Variants in ANAPC16 observed in about 807,000 individuals in gnomAD.
The protein encoded by ANAPC16 is anaphase promoting complex subunit 16, also known as anaphase-promoting complex subunit 16.
ANAPC16 carries 6 observed loss-of-function variants against 13.1 expected under a neutral mutation model. That is an observed-to-expected ratio of 0.46 (90% CI 0.25 to 0.90). The LOEUF (loss-of-function observed/expected upper bound fraction) is 0.90, where lower values mean the gene tolerates loss of function less well. Among genes scored for constraint, ANAPC16 ranks in the 40% least tolerant of loss-of-function variants. The pLI, the probability that ANAPC16 is intolerant of heterozygous loss-of-function variation, is 0.18. For missense variants in ANAPC16, 113 were observed against 131.1 expected (o/e 0.86, Z 0.67); for synonymous variants, 55 against 51.3 (o/e 1.07, Z -0.31).
At chr10:72,229,283 G>A (rs1322127630) in intron 2 of ANAPC16, among the ~76,000 whole-genome samples, 1 of 145,116 alleles carries the variant, frequency 6.9e-6, no homozygotes, top group Middle Eastern at 3.4e-3. Flanking sequence ...TGCCCTCTTG[G>A]TTATATATTC....
At chr10:72,218,472 A>G (rs1430980405) in intron 1 of ANAPC16, among the ~76,000 whole-genome samples, 3 of 152,044 alleles carry the variant, frequency 2.0e-5, no homozygotes, top group African/African-American at 2.4e-5. Flanking sequence ...CATTGCTTCA[A>G]AATGTCACAG....
Position 72,230,419 on chromosome 10 carries a change from A to G in ANAPC16, c.196A>G (p.Thr66Ala). Reference protein sequence around the residue: ...ESVFSYQVASTLKQVKHDQQV... With the variant: ...ESVFSYQVASALKQVKHDQQV... ...TGTTTTTAGCTATCAAGTGGCATCC[A>G]CGCTTAAACAGGTGAAACATGGTAA... is the stretch of plus-strand genomic sequence containing the variant. The change falls in exon 3 of 4, where the codon ACG (threonine) becomes GCG (alanine). Residue 66 changes from threonine to alanine, a missense_variant. Thr to Ala is a moderately conservative substitution (Grantham distance 58). Coordinates refer to ENST00000299381, the MANE Select transcript of ANAPC16 (RefSeq NM_173473.4). 6.2e-7 allele frequency: 1 copy of G among 1,614,140 alleles called. No homozygotes were observed. The highest frequency in any genetic ancestry group is 8.5e-7 in the Non-Finnish European group (1 of 1,179,990).
chr10:72,222,469 T>C (rs61853778), intron 1 of ANAPC16, among the ~76,000 whole-genome samples: 2 of 87,714 alleles, frequency 2.3e-5, no homozygotes, highest in African/African-American at 1.7e-4. Context: ...CTTGTCTCTA[T>C]TTAAAAAAAA....
chr10:72,221,977 C>T (rs942365386), intron 1 of ANAPC16, among the ~76,000 whole-genome samples: 3 of 151,024 alleles, frequency 2.0e-5, no homozygotes, highest in African/African-American at 7.3e-5. Context: ...ATCCACCCGC[C>T]TCGGCCTCCC....
At chr10:72,232,905 A>G in intron 3 of ANAPC16, 96 bp from the exon 4 acceptor site, 5 of 1,012,982 alleles carry the variant, frequency 4.9e-6, no homozygotes, top group Non-Finnish European at 6.0e-6. Flanking sequence ...CACCCGGCCT[A>G]GAAATTATTT....
intron 1 of ANAPC16, among the ~76,000 whole-genome samples, chr10:72,221,516 A>G (rs866328252): frequency 6.0e-4 from 88 of 147,012 alleles, no homozygotes; most frequent in African/African-American, 2.1e-3. Context: ...AGAAAGTTCT[A>G]TTAGCATGGC....
intron 1 of ANAPC16, among the ~76,000 whole-genome samples, chr10:72,222,231 A>G (rs1415460108): frequency 3.3e-5 from 5 of 149,422 alleles, no homozygotes; most frequent in African/African-American, 1.2e-4. Flanking sequence ...CATCCTGGCC[A>G]ACATGGCGAA....
At chr10:72,224,612 C>CAA (rs66526217) in intron 2 of ANAPC16, among the ~76,000 whole-genome samples, 6 of 103,526 alleles carry the variant, frequency 5.8e-5, no homozygotes, top group East Asian at 2.8e-4. Flanking sequence ...GACTCTGTCT[C>CAA]AAAAAAAAAA....
chr10:72,233,245 T>C lies in ANAPC16; in HGVS notation c.*129T>C. The C allele has an allele frequency of 1.5e-6, 1 of 650,544 alleles. No individual in the cohort carries two copies. The allele number at this position is 650,544 out of a possible 1,614,324, so 40.3% of individuals were successfully genotyped here. A position where few individuals can be genotyped will look rare whatever the true frequency, so the allele number is the denominator to read the frequency against. The stretch of plus-strand genomic sequence containing the variant: ...ATTGTTAATGCACATTTGTACTTGG[T>C]TTCTCTGTATCTATTCACAGGCAAC... On this transcript the variant is annotated 3_prime_UTR_variant, in exon 4 of 4. Coordinates refer to ENST00000299381, the MANE Select transcript of ANAPC16 (RefSeq NM_173473.4).
At chr10:72,222,963 G>C (rs1393772736) in intron 1 of ANAPC16, among the ~76,000 whole-genome samples, 1 of 152,010 alleles carries the variant, frequency 6.6e-6, no homozygotes, top group East Asian at 1.9e-4. Context: ...AACACTCACA[G>C]GTAGGTGCTC....
chr10:72,220,660 A>C (rs1170983767), intron 1 of ANAPC16: 1 of 151,658 alleles, frequency 6.6e-6, no homozygotes, highest in African/African-American at 2.4e-5. Context: ...CTGCCTCAAA[A>C]AACAAATATG....
intron 1 of ANAPC16, chr10:72,223,418 C>T (rs548786200): frequency 6.6e-6 from 1 of 152,350 alleles, no homozygotes; most frequent in Admixed American, 6.5e-5. Flanking sequence ...ACTAGTTCCC[C>T]TTCCCTGGGA....
chr10:72,219,607 C>T (rs948958090), intron 1 of ANAPC16, among the ~76,000 whole-genome samples: 2 of 151,968 alleles, frequency 1.3e-5, no homozygotes, highest in African/African-American at 4.8e-5. Flanking sequence ...TGTTCTGGCA[C>T]GTGCCTGTAG....
chr10:72,224,008 C>G lies in ANAPC16; in HGVS notation c.94C>G (p.Arg32Gly). The G allele has an allele frequency of 6.2e-7, 1 of 1,611,736 alleles. No individual in the cohort carries two copies. Among genetic ancestry groups the G allele is most frequent in the African/African-American group, 1.3e-5 (1 of 75,010 alleles). ...GFSVSDLAPP[R>G]KALFTYPKGA... ...CAGTGTCTCAGACCTTGCCCCACCA[C>G]GGAAAGCCCTTTTCACCTACCCCAA... The change falls in exon 2 of 4, where the codon CGG becomes GGG. Residue 32 changes from arginine to glycine, a missense_variant. Arg to Gly is a moderately radical substitution (Grantham distance 125, BLOSUM62 -2). Transcript: ENST00000299381.
At chr10:72,225,402 G>A (rs541482905) in intron 2 of ANAPC16, among the ~76,000 whole-genome samples, 21 of 152,176 alleles carry the variant, frequency 1.4e-4, no homozygotes, top group African/African-American at 5.1e-4. Flanking sequence ...CCCTTCTCAT[G>A]AAGGCAGTCT....
chr10:72,227,707 A>G (rs1860165619), intron 2 of ANAPC16, among the ~76,000 whole-genome samples: 2 of 152,188 alleles, frequency 1.3e-5, no homozygotes, highest in South Asian at 4.1e-4. Flanking sequence ...TCTAACACAC[A>G]TGTACCTGAC....
chr10:72,220,666 A>G (rs1189858660), intron 1 of ANAPC16: 1 of 151,168 alleles, frequency 6.6e-6, no homozygotes, highest in Non-Finnish European at 1.5e-5. Context: ...CAAAAAACAA[A>G]TATGTTTCAA....
intron 2 of ANAPC16, 26 bp downstream of exon 2, chr10:72,224,082 A>G (rs764084573): frequency 1.0e-5 from 16 of 1,554,684 alleles, no homozygotes; most frequent in African/African-American, 1.4e-5. Context: ...TTTCTGAATA[A>G]TTGGATTCAG....
intron 1 of ANAPC16, among the ~76,000 whole-genome samples, chr10:72,217,536 A>G (rs1859570370): frequency 6.6e-6 from 1 of 151,876 alleles, no homozygotes; most frequent in African/African-American, 2.4e-5. Context: ...CCTCCTGAAC[A>G]GATTCTTTCT....
Sources: gnomAD v4.1 joint callset for allele counts (sites outside exome capture counted in the v4.1 genomes callset) on GRCh38, gnomAD v4.1.1 for gene constraint, MANE v1.5 for transcripts, NCBI Gene and HGNC (gene_info 2026-07-23, HGNC 2026-07-21) for gene names.